The following AQP9 variants were observed in gnomAD, a reference collection of about 807,000 sequenced individuals.
AQP9 encodes aquaporin 9.
A neutral mutation model predicts 23.8 loss-of-function variants in AQP9; 19 were observed. The ratio of observed to expected loss-of-function variants is 0.80; its 90% CI spans 0.56 to 1.17. The LOEUF is 1.17. AQP9 is among the 50% of genes most tolerant of loss of function. The pLI is 0.00. For synonymous variants in AQP9, 153 were observed against 131.5 expected (o/e 1.16, Z -1.12); for missense variants, 413 against 362.0 (o/e 1.14, Z -1.14).
At position 58,185,242 on chromosome 15, in the gene AQP9, G is replaced by C. The variant is rs1898998113; in HGVS notation, c.*1107G>C. On this transcript the variant is annotated 3_prime_UTR_variant, in exon 6 of 6. Coordinates refer to ENST00000219919, the MANE Select transcript of AQP9 (RefSeq NM_020980.5). Reference sequence around the variant, plus strand: ...GGAAGATAAGTTGAGTTGTCCAAGAGCACACTGAAAGTTGAATGTTATCTA... The same window carrying C: ...GGAAGATAAGTTGAGTTGTCCAAGACCACACTGAAAGTTGAATGTTATCTA... The C allele has an allele frequency of 6.5e-6, 1 of 152,780 alleles. No individual in the cohort carries two copies. The highest frequency in any genetic ancestry group is 2.1e-4 in the South Asian group (1 of 4,828). The allele number at this position is 152,780 out of a possible 1,614,324, so 9.5% of individuals were successfully genotyped here.
intron 4 of AQP9, among the ~76,000 whole-genome samples, chr15:58,178,211 G>C (rs1405893032): frequency 6.6e-6 from 1 of 151,954 alleles, no homozygotes; most frequent in East Asian, 1.9e-4. Flanking sequence ...CAGACACCAA[G>C]GGACAGCTGT....
At chr15:58,178,881 T>C (rs1385390073) in intron 4 of AQP9, among the ~76,000 whole-genome samples, 10 of 152,200 alleles carry the variant, frequency 6.6e-5, no homozygotes, top group African/African-American at 2.4e-4. Context: ...GACTGCCACC[T>C]ACTAAGTGGG....
intron 4 of AQP9, among the ~76,000 whole-genome samples, chr15:58,175,344 CTT>C (rs1315277904): frequency 6.6e-6 from 1 of 152,232 alleles, no homozygotes; most frequent in African/African-American, 2.4e-5. Flanking sequence ...ACTATTGACT[CTT>C]TTGAACAAGT....
chr15:58,173,007 T>G (rs924418477), intron 2 of AQP9, 61 bp from the exon 3 acceptor site: 1 of 1,601,834 alleles, frequency 6.2e-7, no homozygotes, highest in African/African-American at 1.3e-5. Context: ...GGTCTCTAGA[T>G]GGTTTTCTGT....
intron 2 of AQP9, among the ~76,000 whole-genome samples, chr15:58,171,923 C>T (rs1201331880): frequency 6.6e-6 from 1 of 152,210 alleles, no homozygotes; most frequent in Non-Finnish European, 1.5e-5. Context: ...AAGTCCACAT[C>T]TCAATGTGGT....
intron 1 of AQP9, among the ~76,000 whole-genome samples, chr15:58,162,505 C>A (rs1463369007): frequency 4.6e-5 from 7 of 152,178 alleles, no homozygotes; most frequent in Non-Finnish European, 8.8e-5. Context: ...AGCTCCCTAT[C>A]CTTAAAGGTG....
At chr15:58,162,252 GC>G (rs1364853223) in intron 1 of AQP9, among the ~76,000 whole-genome samples, 1 of 152,206 alleles carries the variant, frequency 6.6e-6, no homozygotes, top group Non-Finnish European at 1.5e-5. Context: ...CCGAGGAGAC[GC>G]AGAGATCAAA....
intron 1 of AQP9, among the ~76,000 whole-genome samples, chr15:58,164,869 T>G (rs1445757559): frequency 6.6e-6 from 1 of 152,206 alleles, no homozygotes; most frequent in Non-Finnish European, 1.5e-5. Flanking sequence ...AATTAATTCA[T>G]CACAATAAAA....
intron 2 of AQP9, among the ~76,000 whole-genome samples, chr15:58,168,417 A>G (rs992888541): frequency 1.5e-4 from 23 of 152,190 alleles, no homozygotes; most frequent in Admixed American, 1.2e-3. Flanking sequence ...AGGATCCTGC[A>G]GTTAAGCTGG....
chr15:58,166,808 T>G lies in AQP9; in HGVS notation c.238+9T>G, dbSNP rs1415529188. The G allele has an allele frequency of 6.2e-7, 1 of 1,612,920 alleles. No homozygotes were observed. Among genetic ancestry groups the G allele is most frequent in the Non-Finnish European group, 8.5e-7 (1 of 1,179,290 alleles). ...GGCTGGCGGTGTCTCTGGTAAGCAG[T>G]AGAAATAATGAATGCTGCTCTTAAT... On this transcript the variant is annotated intron_variant, in intron 2 of 5. Transcript: ENST00000219919.
chr15:58,183,067 C>T (rs1423157899), intron 5 of AQP9, among the ~76,000 whole-genome samples: 12 of 152,154 alleles, frequency 7.9e-5, no homozygotes, highest in Non-Finnish European at 1.8e-4. Context: ...AGCTATGGGT[C>T]CTTCTAGAAT....
chr15:58,180,538 A>G (rs1423129345), intron 5 of AQP9, among the ~76,000 whole-genome samples: 7 of 152,194 alleles, frequency 4.6e-5, no homozygotes, highest in Non-Finnish European at 1.0e-4. Flanking sequence ...AAGGTATTGA[A>G]TAAAAGAATG....
At chr15:58,140,197 C>CTT (rs67540225) in intron 1 of AQP9, among the ~76,000 whole-genome samples, 20 of 131,658 alleles carry the variant, frequency 1.5e-4, no homozygotes, top group East Asian at 2.2e-4. Flanking sequence ...AACTACACAT[C>CTT]TTTTTTTTTT....
At position 58,138,494 on chromosome 15, in the gene AQP9, A is replaced by T. The variant is rs141236597; in HGVS notation, c.-72A>T. 1.7e-4 allele frequency: 210 copies of T among 1,236,024 alleles called. 2 individuals carry two copies. The Middle Eastern group carries it at 3.1e-3, about 18-fold the overall frequency. The allele number at this position is 1,236,024 out of a possible 1,614,324, so 76.6% of individuals were successfully genotyped here. The stretch of plus-strand genomic sequence containing the variant: ...AGCCATTGTCAAAACGTCCATTTTC[A>T]TCTGGCTGTGAAAGTGAGGACCACA... On this transcript the variant is annotated 5_prime_UTR_variant, in exon 1 of 6. Transcript: ENST00000219919.
intron 3 of AQP9, among the ~76,000 whole-genome samples, chr15:58,173,932 C>T (rs1220904525): frequency 6.6e-6 from 1 of 152,106 alleles, no homozygotes; most frequent in Non-Finnish European, 1.5e-5. Context: ...TACATTATGA[C>T]TTACCCAAAC....
chr15:58,167,150 G>T (rs1898526773), intron 2 of AQP9, among the ~76,000 whole-genome samples: 1 of 152,152 alleles, frequency 6.6e-6, no homozygotes, highest in Non-Finnish European at 1.5e-5. Context: ...CCCAGTGAAG[G>T]TCACTCCAAC....
chr15:58,176,062 C>T (rs1013031957), intron 4 of AQP9, among the ~76,000 whole-genome samples: 13 of 152,012 alleles, frequency 8.6e-5, no homozygotes, highest in Non-Finnish European at 1.5e-4. Context: ...CTTTTTGGGT[C>T]GCAAGTTATT....
At chr15:58,178,585 G>A (rs1452625350) in intron 4 of AQP9, among the ~76,000 whole-genome samples, 3 of 152,142 alleles carry the variant, frequency 2.0e-5, no homozygotes, top group Non-Finnish European at 4.4e-5. Context: ...CTGAAATAAC[G>A]GGTATCTTTT....
chr15:58,171,142 C>T (rs552562757), intron 2 of AQP9, among the ~76,000 whole-genome samples: 23 of 149,270 alleles, frequency 1.5e-4, no homozygotes, highest in Non-Finnish European at 3.0e-4. Context: ...GGCTGGAGTA[C>T]AGTGGCACCA....
Sources: gnomAD v4.1 joint callset for allele counts (sites outside exome capture counted in the v4.1 genomes callset) on GRCh38, gnomAD v4.1.1 for gene constraint, MANE v1.5 for transcripts, NCBI Gene and HGNC (gene_info 2026-07-23, HGNC 2026-07-21) for gene names.